Variants in CNTN1 observed in about 807,000 individuals in gnomAD.
CNTN1 encodes the protein contactin 1.
CNTN1 carries 38 observed loss-of-function variants against 126.4 expected under a neutral mutation model. The observed-to-expected ratio is 0.30, with a 90% CI of 0.23 to 0.39. CNTN1 has a LOEUF of 0.39. Among genes scored for constraint, CNTN1 ranks in the 10% least tolerant of loss-of-function variants. CNTN1 has a pLI of 1.00. For synonymous variants in CNTN1, 413 were observed against 422.6 expected (o/e 0.98, Z 0.28); for missense variants, 1,009 against 1,248.4 (o/e 0.81, Z 2.89).
At chr12:40,976,602 C>A (rs554886102) in intron 15 of CNTN1, among the ~76,000 whole-genome samples, 1 of 150,600 alleles carries the variant, frequency 6.6e-6, no homozygotes, top group South Asian at 2.1e-4. Context: ...GGGTTTTTTT[C>A]ATTGACAAAA....
At chr12:40,911,380 G>T (rs998939465) in intron 3 of CNTN1, among the ~76,000 whole-genome samples, 1 of 152,078 alleles carries the variant, frequency 6.6e-6, no homozygotes, top group Non-Finnish European at 1.5e-5. Context: ...GTGCCCGGCC[G>T]CAAAAGGCAC....
chr12:41,047,174 G>C (rs1315260458), intron 23 of CNTN1, among the ~76,000 whole-genome samples: 1 of 151,976 alleles, frequency 6.6e-6, no homozygotes, highest in Non-Finnish European at 1.5e-5. Context: ...GATATAATCT[G>C]TTCATGCCCT....
chr12:41,023,884 A>G (rs1211410586), intron 20 of CNTN1, among the ~76,000 whole-genome samples: 1 of 152,170 alleles, frequency 6.6e-6, no homozygotes, highest in Non-Finnish European at 1.5e-5. Context: ...TTTGTTTTCA[A>G]TATGATCCTA....
At chr12:40,856,562 A>G (rs1046421215) in intron 1 of CNTN1, among the ~76,000 whole-genome samples, 1 of 152,114 alleles carries the variant, frequency 6.6e-6, no homozygotes, top group African/African-American at 2.4e-5. Context: ...AGAAAGCACA[A>G]AGTTGAGGGC....
intron 1 of CNTN1, among the ~76,000 whole-genome samples, chr12:40,873,040 C>G (rs556150510): frequency 6.6e-6 from 1 of 152,018 alleles, no homozygotes; most frequent in Non-Finnish European, 1.5e-5. Context: ...AGGCTGACAC[C>G]AACCCCATGC....
intron 14 of CNTN1, among the ~76,000 whole-genome samples, chr12:40,945,528 A>G (rs998412361): frequency 6.6e-6 from 1 of 152,088 alleles, no homozygotes; most frequent in African/African-American, 2.4e-5. Context: ...GTAGTAACTA[A>G]TAGCTGCAAT....
intron 1 of CNTN1, among the ~76,000 whole-genome samples, chr12:40,737,648 T>C (rs1214939126): frequency 6.6e-6 from 1 of 151,798 alleles, no homozygotes; most frequent in Non-Finnish European, 1.5e-5. Flanking sequence ...CCTTCCCCAG[T>C]CCACTGACTC....
At chr12:40,910,862 T>C (rs1180713205) in intron 3 of CNTN1, among the ~76,000 whole-genome samples, 1 of 143,734 alleles carries the variant, frequency 7.0e-6, no homozygotes, top group Non-Finnish European at 1.6e-5. Context: ...AGCCATTGCA[T>C]GATGGTAGGA....
intron 23 of CNTN1, among the ~76,000 whole-genome samples, chr12:41,035,899 G>A (rs553179187): frequency 6.6e-6 from 1 of 152,240 alleles, no homozygotes; most frequent in African/African-American, 2.4e-5. Flanking sequence ...ATACTCAGAT[G>A]TTTGTAATTT....
intron 14 of CNTN1, among the ~76,000 whole-genome samples, chr12:40,945,845 G>A (rs1169034770): frequency 6.6e-6 from 1 of 151,972 alleles, no homozygotes; most frequent in Non-Finnish European, 1.5e-5. Context: ...CTTTTCAGAT[G>A]ATAGCTGCAG....
At chr12:40,959,072 G>A in intron 14 of CNTN1, 42 bp from the exon 15 acceptor site, 1 of 1,610,404 alleles carries the variant, frequency 6.2e-7, no homozygotes, top group Non-Finnish European at 8.5e-7. Context: ...CATAATTGGT[G>A]AAAAATGTAC....
intron 1 of CNTN1, among the ~76,000 whole-genome samples, chr12:40,874,277 C>T (rs1234869507): frequency 1.3e-5 from 2 of 151,866 alleles, no homozygotes; most frequent in East Asian, 1.9e-4. Context: ...CTAGTAAATA[C>T]AAATACGTAT....
At chr12:40,871,459 A>AGTGGAAATATGG (rs1943491927) in intron 1 of CNTN1, among the ~76,000 whole-genome samples, 2 of 152,108 alleles carry the variant, frequency 1.3e-5, no homozygotes, top group East Asian at 3.9e-4. Flanking sequence ...CTACAGTAGT[A>AGTGGAAATATGG]GTGGAAATAT....
At chr12:40,846,174 G>A (rs1225531209) in intron 1 of CNTN1, among the ~76,000 whole-genome samples, 1 of 152,020 alleles carries the variant, frequency 6.6e-6, no homozygotes, top group East Asian at 1.9e-4. Context: ...ATAAATAAAT[G>A]GCAGGGATTG....
At chr12:41,017,884 G>A (rs373968525) in intron 19 of CNTN1, among the ~76,000 whole-genome samples, 2 of 152,194 alleles carry the variant, frequency 1.3e-5, no homozygotes, top group East Asian at 3.9e-4. Flanking sequence ...CTGAGGTTGG[G>A]AGTTCGAGAC....
chr12:41,045,875 G>A (rs1468405225), intron 23 of CNTN1, among the ~76,000 whole-genome samples: 3 of 152,124 alleles, frequency 2.0e-5, no homozygotes, highest in African/African-American at 7.2e-5. Flanking sequence ...TTTAGGGCCT[G>A]CATACTTGAC....
At chr12:41,018,891 T>C (rs1164028412) in intron 19 of CNTN1, among the ~76,000 whole-genome samples, 1 of 152,278 alleles carries the variant, frequency 6.6e-6, no homozygotes, top group East Asian at 1.9e-4. Flanking sequence ...GCGTGGTGGC[T>C]CATGCCTATA....
At chr12:40,751,137 G>C (rs57772297) in intron 1 of CNTN1, among the ~76,000 whole-genome samples, 21,393 of 152,034 alleles carry the variant, frequency 0.14, 1,734 homozygotes, top group African/African-American at 0.22. Context: ...AGACCAAAAA[G>C]AGACCACTGC....
In CNTN1 at chr12:41,027,981, T is replaced by C. The variant is rs1949070100; in HGVS notation, c.2823+12T>C. ...TGACGGGATATAAGGTATATACAAA[T>C]AGTGATGATTAATGTTTGCAATTCT... is the stretch of plus-strand genomic sequence containing the variant. On this transcript the variant is annotated intron_variant, in intron 22 of 23. Coordinates refer to ENST00000551295, the MANE Select transcript of CNTN1 (RefSeq NM_001843.4). The C allele has an allele frequency of 2.0e-6, 3 of 1,493,236 alleles. No homozygotes were observed. The highest frequency in any genetic ancestry group is 1.7e-5 in the Admixed American group (1 of 59,812). 92.5% of individuals were successfully genotyped at this position (1,493,236 alleles called of 1,614,324 possible).
Sources: gnomAD v4.1 joint callset for allele counts (sites outside exome capture counted in the v4.1 genomes callset) on GRCh38, gnomAD v4.1.1 for gene constraint, MANE v1.5 for transcripts, NCBI Gene and HGNC (gene_info 2026-07-23, HGNC 2026-07-21) for gene names.